The following RSRC1 variants were observed in gnomAD, a reference collection of about 807,000 sequenced individuals.
RSRC1 encodes the protein serine/Arginine-related protein 53.
A neutral mutation model predicts 49.1 loss-of-function variants in RSRC1; 39 were observed. That is an observed-to-expected ratio of 0.79 (90% CI 0.61 to 1.04). RSRC1 has a LOEUF of 1.04. Among genes scored for constraint, RSRC1 ranks in the 50% least tolerant of loss-of-function variants. The probability of loss-of-function intolerance (pLI) is 0.00; values close to 1 mark genes in which losing one functional copy is unlikely to be tolerated. For synonymous variants in RSRC1, 143 were observed against 130.8 expected, an observed-to-expected ratio of 1.09 and a Z score of -0.63; for missense variants, 388 against 402.4, an observed-to-expected ratio of 0.96 and a Z score of 0.31.
At chr3:158,279,440 C>T (rs1002452570) in intron 4 of RSRC1, among the ~76,000 whole-genome samples, 1 of 152,112 alleles carries the variant, frequency 6.6e-6, no homozygotes, top group Non-Finnish European at 1.5e-5. Flanking sequence ...ACTGTTTTAA[C>T]TCATGTTCTG....
chr3:158,499,595 G>C (rs936294590), intron 7 of RSRC1, among the ~76,000 whole-genome samples: 16 of 152,012 alleles, frequency 1.1e-4, no homozygotes, highest in African/African-American at 3.9e-4. Flanking sequence ...AGGTCTTTCA[G>C]CTCCTTCATT....
At chr3:158,430,506 A>G (rs930237728) in intron 6 of RSRC1, among the ~76,000 whole-genome samples, 1 of 151,906 alleles carries the variant, frequency 6.6e-6, no homozygotes, top group African/African-American at 2.4e-5. Flanking sequence ...AAGGAAAGAA[A>G]GGGGAAACTG....
chr3:158,222,085 T>C (rs1299466489), intron 4 of RSRC1, among the ~76,000 whole-genome samples: 1 of 151,086 alleles, frequency 6.6e-6, no homozygotes, highest in Admixed American at 6.6e-5. Context: ...AGATTAATTG[T>C]AAATAATAGT....
chr3:158,280,538 GAATA>G (rs1485702835), intron 4 of RSRC1, among the ~76,000 whole-genome samples: 2 of 149,852 alleles, frequency 1.3e-5, no homozygotes, highest in Non-Finnish European at 3.0e-5. Flanking sequence ...GTTGTTGAAT[GAATA>G]AATAATGTTT....
intron 3 of RSRC1, among the ~76,000 whole-genome samples, chr3:158,157,956 C>T (rs1224202665): frequency 6.6e-5 from 10 of 151,778 alleles, no homozygotes; most frequent in Non-Finnish European, 1.2e-4. Flanking sequence ...GGATTACTGT[C>T]GCTTTGGTTT....
At chr3:158,490,830 T>C (rs77692295) in intron 7 of RSRC1, among the ~76,000 whole-genome samples, 2,420 of 152,316 alleles carry the variant, frequency 0.016, 81 homozygotes, top group African/African-American at 0.055. Flanking sequence ...ATTATACACG[T>C]ACTGCTGAGA....
chr3:158,412,269 A>G (rs953190858), intron 6 of RSRC1, among the ~76,000 whole-genome samples: 2 of 152,144 alleles, frequency 1.3e-5, no homozygotes, highest in East Asian at 1.9e-4. Context: ...GAACCATAAT[A>G]TATGTGATTC....
intron 6 of RSRC1, among the ~76,000 whole-genome samples, chr3:158,390,593 T>A (rs780162592): frequency 6.6e-5 from 10 of 152,188 alleles, no homozygotes; most frequent in Non-Finnish European, 1.2e-4. Context: ...ACTAACTACA[T>A]AGAATTTCTC....
chr3:158,475,748 C>T (rs530096186), intron 7 of RSRC1, among the ~76,000 whole-genome samples: 33 of 151,210 alleles, frequency 2.2e-4, no homozygotes, highest in African/African-American at 6.8e-4. Flanking sequence ...CTCTCTCTCC[C>T]TGGCCTGGAG....
At chr3:158,270,506 T>C (rs1308155049) in intron 4 of RSRC1, among the ~76,000 whole-genome samples, 1 of 152,206 alleles carries the variant, frequency 6.6e-6, no homozygotes, top group Non-Finnish European at 1.5e-5. Context: ...TTTTACATAT[T>C]GTAGTCATGT....
intron 7 of RSRC1, among the ~76,000 whole-genome samples, chr3:158,478,948 C>CAA (rs10603914): frequency 0.025 from 2,845 of 112,168 alleles, 112 homozygotes; most frequent in African/African-American, 0.08. Context: ...GGAGAAAAAG[C>CAA]AAAAAAAAAA....
In RSRC1 at chr3:158,171,985, C is replaced by T. The variant is rs182647066; in HGVS notation, c.321-31087C>T. On this transcript the variant is annotated intron_variant, in intron 3 of 9. Coordinates refer to ENST00000611884, the MANE Select transcript of RSRC1 (RefSeq NM_001271838.2). ...CAACAACAACAACAACAACAAAAAC[C>T]ATACATAAATGAAATAATTCAATCT... is the stretch of plus-strand genomic sequence containing the variant. 2.0e-5 allele frequency among the ~76,000 whole-genome samples: 3 copies of T among 150,712 alleles called. No individual in the cohort carries two copies. In the East Asian group the frequency reaches 5.8e-4, roughly 29 times the overall value.
chr3:158,271,515 C>T lies in RSRC1; in HGVS notation c.495-26524C>T, dbSNP rs77359822. On this transcript the variant is annotated intron_variant, in intron 4 of 9. Coordinates refer to ENST00000611884, the MANE Select transcript of RSRC1 (RefSeq NM_001271838.2). ...TTAAAGATGGCCTAATTGTCTATTA[C>T]TAGTAGATGCATGTAAGTCTTTGCA... Among the ~76,000 whole-genome samples the T allele has an allele frequency of 7.6e-3, 1,162 of 152,108 alleles. 7 individuals carry two copies. The highest frequency in any genetic ancestry group is 0.027 in the African/African-American group (1,104 of 41,530).
intron 4 of RSRC1, among the ~76,000 whole-genome samples, chr3:158,277,047 G>A (rs1725857321): frequency 6.6e-6 from 1 of 152,052 alleles, no homozygotes; most frequent in South Asian, 2.1e-4. Flanking sequence ...TGGGCTAAGA[G>A]GCAAAATTGA....
At chr3:158,288,006 A>G (rs1346535423) in intron 4 of RSRC1, among the ~76,000 whole-genome samples, 1 of 152,186 alleles carries the variant, frequency 6.6e-6, no homozygotes, top group Non-Finnish European at 1.5e-5. Context: ...TATGGCTTTT[A>G]GCTTCCACTT....
At chr3:158,230,458 T>A (rs1722885800) in intron 4 of RSRC1, among the ~76,000 whole-genome samples, 1 of 152,174 alleles carries the variant, frequency 6.6e-6, no homozygotes, top group Admixed American at 6.6e-5. Context: ...ATTTTCTCCA[T>A]ATATGTTCCT....
chr3:158,262,083 G>A (rs1440475189), intron 4 of RSRC1, among the ~76,000 whole-genome samples: 1 of 152,048 alleles, frequency 6.6e-6, no homozygotes, highest in African/African-American at 2.4e-5. Flanking sequence ...ACAAATATAT[G>A]CCATAGCTTT....
At chr3:158,535,839 GATAA>G (rs759996841) in intron 7 of RSRC1, among the ~76,000 whole-genome samples, 3 of 151,356 alleles carry the variant, frequency 2.0e-5, no homozygotes, top group Non-Finnish European at 4.4e-5. Context: ...GACCAAAATT[GATAA>G]ATAAAGAGAA....
chr3:158,117,901 C>G (rs74385281), intron 1 of RSRC1, among the ~76,000 whole-genome samples: 1 of 66,350 alleles, frequency 1.5e-5, no homozygotes, highest in Non-Finnish European at 3.1e-5. Flanking sequence ...TTCTTTCTTT[C>G]TTTCTTTCTT....
Sources: allele counts gnomAD v4.1 joint callset (sites outside exome capture counted in the v4.1 genomes callset), GRCh38; gene constraint gnomAD v4.1.1; transcripts MANE v1.5; gene names NCBI Gene and HGNC (gene_info 2026-07-23, HGNC 2026-07-21).